The following ADGRV1 variants were observed in gnomAD, a reference collection of about 807,000 sequenced individuals.
The protein encoded by ADGRV1 is adhesion G protein-coupled receptor V1.
Under a neutral mutation model 596.2 loss-of-function variants are expected in ADGRV1, and 359 were observed. That is an observed-to-expected ratio of 0.60 (90% CI 0.55 to 0.66). The LOEUF (loss-of-function observed/expected upper bound fraction) is 0.66, where lower values mean the gene tolerates loss of function less well. Ranked by LOEUF, ADGRV1 falls within the 30% of genes least tolerant of loss-of-function variation. The probability of loss-of-function intolerance (pLI) is 0.00; values close to 1 mark genes in which losing one functional copy is unlikely to be tolerated. For synonymous variants in ADGRV1, 2,681 were observed against 2,679.2 expected (o/e 1.00, Z -0.02); for missense variants, 7,274 against 7,575.6 (o/e 0.96, Z 1.48).
intron 87 of ADGRV1, among the ~76,000 whole-genome samples, chr5:91,128,523 A>G (rs1325186063): frequency 6.6e-6 from 1 of 152,136 alleles, no homozygotes; most frequent in Non-Finnish European, 1.5e-5. Flanking sequence ...TAATGATTGA[A>G]TGGATCCCTG....
At chr5:90,693,348 T>C (rs1274411227) in intron 32 of ADGRV1, among the ~76,000 whole-genome samples, 2 of 152,186 alleles carry the variant, frequency 1.3e-5, no homozygotes, top group Non-Finnish European at 2.9e-5. Context: ...CAGTCATCCA[T>C]ATACTTTAAA....
intron 53 of ADGRV1, among the ~76,000 whole-genome samples, chr5:90,752,157 A>G (rs1294330611): frequency 6.6e-6 from 1 of 152,190 alleles, no homozygotes; most frequent in East Asian, 1.9e-4. Flanking sequence ...ATATTAGCAG[A>G]CAATATAGGC....
Position 90,627,385 on chromosome 5 carries a change from G to A in ADGRV1, c.847G>A (p.Val283Ile), listed in dbSNP as rs1427759662. The A allele has an allele frequency of 1.2e-6, 2 of 1,613,924 alleles. No individual in the cohort carries two copies. Among genetic ancestry groups the A allele is most frequent in the East Asian group, 2.2e-5 (1 of 44,860 alleles). ...GGAAGACCACATACTCATAATTCCA[G>A]TAGTTCGTGGAAAGGACAACAATGG... The part of the protein sequence containing the change: ...PEEDHILIIP[V>I]VRGKDNNGNL... Residue 283 changes from valine (V) to isoleucine (I), a missense_variant, in exon 7 of 90, where the codon GTA becomes ATA. Physicochemically the swap from Val to Ile is conservative, Grantham distance 29. Coordinates refer to ENST00000405460, the MANE Select transcript of ADGRV1 (RefSeq NM_032119.4).
At chr5:90,562,315 T>G (rs1041949326) in intron 1 of ADGRV1, among the ~76,000 whole-genome samples, 5 of 152,120 alleles carry the variant, frequency 3.3e-5, no homozygotes, top group African/African-American at 1.2e-4. Flanking sequence ...ATTTTTTCCT[T>G]TCACAAGGTA....
rs535059796 is a variant in ADGRV1, at chr5:91,103,235, A to C, written c.18432+895A>C. Among the ~76,000 whole-genome samples the C allele has an allele frequency of 3.0e-3, 456 of 152,258 alleles. 4 individuals carry two copies. Among genetic ancestry groups the C allele is most frequent in the Non-Finnish European group, 2.8e-3 (192 of 68,018 alleles). The stretch of plus-strand genomic sequence containing the variant: ...GCCTAATCAAGGACATTATCAACTT[A>C]GGAAGGGGAAAATACAAAACAATTA... On this transcript the variant is annotated intron_variant, in intron 87 of 89. Coordinates refer to ENST00000405460, the MANE Select transcript of ADGRV1 (RefSeq NM_032119.4).
chr5:91,153,564 G>C (rs1164131779), intron 89 of ADGRV1, among the ~76,000 whole-genome samples, 166 bp downstream of exon 89: 5 of 151,986 alleles, frequency 3.3e-5, no homozygotes, highest in Non-Finnish European at 5.9e-5. Flanking sequence ...TTTGTTCTTG[G>C]CACCAAATGT....
Position 90,789,818 on chromosome 5 carries a change from C to A in ADGRV1, c.14010C>A (p.Val4670=). 1 of 1,489,652 alleles carries A rather than the reference C, an allele frequency of 6.7e-7. No individual in the cohort carries two copies. Among genetic ancestry groups the A allele is most frequent in the South Asian group, 1.4e-5 (1 of 70,142 alleles). 92.3% of individuals were successfully genotyped at this position (1,489,652 alleles called of 1,614,324 possible). A position where few individuals can be genotyped will look rare whatever the true frequency, so the allele number is the denominator to read the frequency against. ...LEGPLLITFF[V]RRVKGTFGEI... Reference sequence around the variant, plus strand: ...GGCCCCTGCTCATTACCTTCTTTGTCAGAAGAGTCAAGGGCACCTTTGGAG... The same window carrying A: ...GGCCCCTGCTCATTACCTTCTTTGTAAGAAGAGTCAAGGGCACCTTTGGAG... Residue 4670 remains valine (V), a synonymous_variant, in exon 69 of 90, where the codon GTC becomes GTA. Coordinates refer to ENST00000405460, the MANE Select transcript of ADGRV1 (RefSeq NM_032119.4).
chr5:91,150,051 T>C lies in ADGRV1; in HGVS notation c.18454T>C (p.Tyr6152His). Reference sequence around the variant, plus strand: ...GCAGGGACTTTATGTTTTCATGGTTTATTTCATTTTACACAACCAAATGTG... The same window carrying C: ...GCAGGGACTTTATGTTTTCATGGTTCATTTCATTTTACACAACCAAATGTG... The part of the protein sequence containing the change: ...SLQGLYVFMV[Y>H]FILHNQMCCP... Residue 6152 changes from tyrosine to histidine, a missense_variant, in exon 88 of 90, where the codon TAT becomes CAT. Physicochemically the swap from Tyr to His is moderately conservative, Grantham distance 83. This residue lies in a region of ADGRV1 where 1,874 missense variants were observed against 1,970.2 expected (regional missense o/e 0.95). Coordinates refer to ENST00000405460, the MANE Select transcript of ADGRV1 (RefSeq NM_032119.4). 6.5e-7 allele frequency: 1 copy of C among 1,546,418 alleles called. No individual in the cohort carries two copies. The highest frequency in any genetic ancestry group is 8.7e-7 in the Non-Finnish European group (1 of 1,145,064).
intron 21 of ADGRV1, among the ~76,000 whole-genome samples, chr5:90,670,539 C>T (rs1257789611): frequency 6.6e-6 from 1 of 152,068 alleles, no homozygotes; most frequent in Non-Finnish European, 1.5e-5. Context: ...GGGGGTGTTT[C>T]CCAAAAGGTT....
At chr5:90,952,626 T>C (rs1561991333) in intron 83 of ADGRV1, among the ~76,000 whole-genome samples, 1 of 152,192 alleles carries the variant, frequency 6.6e-6, no homozygotes, top group Non-Finnish European at 1.5e-5. Context: ...ACTCCAAATA[T>C]TATTTTATGA....
chr5:91,054,100 TGTGAGAGAGAGA>T (rs1282954776), intron 85 of ADGRV1, among the ~76,000 whole-genome samples: 7 of 108,192 alleles, frequency 6.5e-5, no homozygotes, highest in African/African-American at 2.4e-4. Context: ...TGTGTGTGTG[TGTGAGAGAGAGA>T]GAGAGAGAGA....
At chr5:90,727,783 C>G (rs1466943669) in intron 48 of ADGRV1, among the ~76,000 whole-genome samples, 1 of 152,126 alleles carries the variant, frequency 6.6e-6, no homozygotes, top group African/African-American at 2.4e-5. Context: ...CTTACCTCTC[C>G]AGCCTTAACT....
chr5:91,028,738 T>TTTTG (rs1784229692), intron 85 of ADGRV1, among the ~76,000 whole-genome samples: 1 of 147,978 alleles, frequency 6.8e-6, no homozygotes, highest in African/African-American at 2.5e-5. Flanking sequence ...CTCTGTTTTT[T>TTTTG]TTTTTTTTTT....
chr5:90,793,551 A>G (rs1273035833), intron 70 of ADGRV1, among the ~76,000 whole-genome samples: 2 of 152,246 alleles, frequency 1.3e-5, no homozygotes, highest in East Asian at 1.9e-4. Flanking sequence ...TATGTGATGT[A>G]TATTACATGG....
intron 83 of ADGRV1, among the ~76,000 whole-genome samples, chr5:90,920,777 A>C (rs1322756009): frequency 6.6e-6 from 1 of 152,198 alleles, no homozygotes; most frequent in East Asian, 1.9e-4. Flanking sequence ...GGAATTTTAC[A>C]CATTCCATTT....
At chr5:90,878,375 C>T (rs761319707) in intron 83 of ADGRV1, among the ~76,000 whole-genome samples, 9 of 152,170 alleles carry the variant, frequency 5.9e-5, no homozygotes, top group Admixed American at 2.0e-4. Flanking sequence ...CTGATGTCTG[C>T]GTCAGTGGTG....
chr5:90,939,112 A>G (rs1481161420), intron 83 of ADGRV1, among the ~76,000 whole-genome samples: 1 of 152,230 alleles, frequency 6.6e-6, no homozygotes, highest in African/African-American at 2.4e-5. Flanking sequence ...TTTAGAAAAC[A>G]TGTTCACTTC....
chr5:90,955,384 T>A (rs981483353), intron 83 of ADGRV1, among the ~76,000 whole-genome samples: 1 of 152,198 alleles, frequency 6.6e-6, no homozygotes, highest in Non-Finnish European at 1.5e-5. Context: ...TTGTCTATAC[T>A]TCTGGCCTGC....
intron 85 of ADGRV1, among the ~76,000 whole-genome samples, chr5:91,064,089 A>C (rs1787679887): frequency 2.0e-5 from 3 of 152,244 alleles, no homozygotes; most frequent in African/African-American, 4.8e-5. Flanking sequence ...CTTGAAATAC[A>C]GGATTTTCTA....
Sources: allele counts gnomAD v4.1 joint callset (sites outside exome capture counted in the v4.1 genomes callset), GRCh38; gene constraint gnomAD v4.1.1; regional missense constraint gnomAD v4.1.1; transcripts MANE v1.5; gene names NCBI Gene and HGNC (gene_info 2026-07-23, HGNC 2026-07-21).